Variants in COL12A1 observed in about 807,000 individuals in gnomAD.
The protein encoded by COL12A1 is collagen alpha-1(XII) chain.
COL12A1 carries 114 observed loss-of-function variants against 349.7 expected under a neutral mutation model. That is an observed-to-expected ratio of 0.33 (90% CI 0.28 to 0.38). COL12A1 has a LOEUF of 0.38. Ranked by LOEUF, COL12A1 falls within the 10% of genes least tolerant of loss-of-function variation. COL12A1 has a pLI of 1.00. For synonymous variants in COL12A1, 1,369 were observed against 1,329.0 expected (o/e 1.03, Z -0.66); for missense variants, 3,284 against 3,756.9 (o/e 0.87, Z 3.29).
At chr6:75,201,448 T>C (rs905540995) in intron 2 of COL12A1, among the ~76,000 whole-genome samples, 2 of 152,180 alleles carry the variant, frequency 1.3e-5, no homozygotes, top group Non-Finnish European at 2.9e-5. Flanking sequence ...TTTTTACCTG[T>C]AGTCTTGAAG....
intron 17 of COL12A1, among the ~76,000 whole-genome samples, chr6:75,154,123 T>C (rs1767631571): frequency 6.6e-6 from 1 of 151,590 alleles, no homozygotes; most frequent in Non-Finnish European, 1.5e-5. Flanking sequence ...ATTAATTACA[T>C]CACTAATAAT....
At chr6:75,137,370 G>C in intron 31 of COL12A1, 67 bp downstream of exon 31, 1 of 1,406,972 alleles carries the variant, frequency 7.1e-7, no homozygotes, top group Non-Finnish European at 9.6e-7. Context: ...TAAGCACTGA[G>C]GGGGAAAAAG....
Position 75,132,030 on chromosome 6 carries a change from G to C in COL12A1, c.5847C>G (p.Ser1949Arg). ...NVQVYNPTPN[S>R]LDVRWDPAPG... ...GAGCAGGGTCCCAGCGAACATCGAG[G>C]CTGTTAGGTGTAGGATTGTATACTT... The change falls in exon 35 of 66, where the codon AGC (serine) becomes AGG (arginine). Residue 1949 changes from serine to arginine, a missense_variant. This residue lies in a region of COL12A1 where 2,601 missense variants were observed against 2,824.8 expected (regional missense o/e 0.92). Coordinates refer to ENST00000322507, the MANE Select transcript of COL12A1 (RefSeq NM_004370.6). The C allele has an allele frequency of 6.2e-7, 1 of 1,614,178 alleles. No individual in the cohort carries two copies. The highest frequency in any genetic ancestry group is 8.5e-7 in the Non-Finnish European group (1 of 1,180,002).
rs747633964 is a variant in COL12A1 at position 75,138,324 on chromosome 6, T to C, written c.5247A>G (p.Thr1749=). ...GSERTLPILT[T]QAPKSGPRNL... The stretch of plus-strand genomic sequence containing the variant: ...TTCATCAAATTAAATTCTTACCTTG[T>C]GTTGTTAAGATAGGCACTAAAAGAA... Residue 1749 remains threonine, a synonymous_variant, in exon 30 of 66, where the codon ACA becomes ACG. Transcript: ENST00000322507. 29 of 1,609,340 alleles carry C rather than the reference T, an allele frequency of 1.8e-5. No individual in the cohort carries two copies. Among genetic ancestry groups the C allele is most frequent in the Non-Finnish European group, 2.4e-5 (28 of 1,177,886 alleles).
chr6:75,156,190 A>T, intron 15 of COL12A1, 67 bp downstream of exon 15: 1 of 1,553,388 alleles, frequency 6.4e-7, no homozygotes, highest in South Asian at 1.2e-5. Flanking sequence ...AATGAAGTAG[A>T]CATACCAAAG....
chr6:75,154,151 TTA>T (rs1767633612), intron 17 of COL12A1, among the ~76,000 whole-genome samples: 1 of 151,662 alleles, frequency 6.6e-6, no homozygotes, highest in Non-Finnish European at 1.5e-5. Context: ...ACATTAATAA[TTA>T]TATATTACTC....
intron 13 of COL12A1, among the ~76,000 whole-genome samples, chr6:75,173,216 A>G (rs937257185): frequency 6.6e-6 from 1 of 152,208 alleles, no homozygotes; most frequent in South Asian, 2.1e-4. Flanking sequence ...ACTAAGGCCC[A>G]GAGGGGTTAA....
intron 43 of COL12A1, 102 bp downstream of exon 43, chr6:75,123,228 C>T (rs1765833011): frequency 9.6e-7 from 1 of 1,037,208 alleles, no homozygotes; most frequent in Non-Finnish European, 1.5e-6. Context: ...AATAATAGAT[C>T]AGAAATGTTC....
chr6:75,168,399 C>T (rs779520881), intron 13 of COL12A1, among the ~76,000 whole-genome samples: 3 of 152,156 alleles, frequency 2.0e-5, no homozygotes, highest in Non-Finnish European at 2.9e-5. Flanking sequence ...AAGTGGATTG[C>T]GCCCTGTGGT....
intron 44 of COL12A1, among the ~76,000 whole-genome samples, chr6:75,119,754 T>A (rs1769262424): frequency 6.6e-6 from 1 of 152,158 alleles, no homozygotes; most frequent in South Asian, 2.1e-4. Context: ...TAGAAAGGGA[T>A]GAATAAAGGT....
rs376517147 is a variant in COL12A1 at position 75,177,728 on chromosome 6, G to A, written c.2372C>T (p.Ser791Phe). 98 of 1,613,920 alleles carry A rather than the reference G, an allele frequency of 6.1e-5. No individual in the cohort carries two copies. The highest frequency in any genetic ancestry group is 1.4e-5 in the Non-Finnish European group (16 of 1,180,002). ...NLIPDTKYEV[S>F]VIPEYFSGPG... is the part of the protein sequence containing the mutation. Reference sequence around the variant, plus strand: ...TCCTGAGAAATATTCAGGAATTACAGATACTTCATATTTCGTGTCTGGAAT... The same window carrying A: ...TCCTGAGAAATATTCAGGAATTACAAATACTTCATATTTCGTGTCTGGAAT... Residue 791 changes from serine (S) to phenylalanine (F), a missense_variant, in exon 12 of 66, where the codon TCT (serine) becomes TTT (phenylalanine). Coordinates refer to ENST00000322507, the MANE Select transcript of COL12A1 (RefSeq NM_004370.6).
At position 75,095,242 on chromosome 6, in the gene COL12A1, T is replaced by A. The variant is rs1005948817; in HGVS notation, c.8578-63A>T. On this transcript the variant is annotated intron_variant, in intron 59 of 65. Coordinates refer to ENST00000322507, the MANE Select transcript of COL12A1 (RefSeq NM_004370.6). ...AAGGGAAAATCCCATCTAAAGTAAATGAATACAGCCTGTTTTAAACGCGTT... is the reference window on the plus strand; with the variant it reads ...AAGGGAAAATCCCATCTAAAGTAAAAGAATACAGCCTGTTTTAAACGCGTT... The A allele has an allele frequency of 1.0e-5, 13 of 1,243,042 alleles. No homozygotes were observed. In the African/African-American group the frequency reaches 2.0e-4, roughly 19 times the overall value. The allele number at this position is 1,243,042 out of a possible 1,614,324, so 77.0% of individuals were successfully genotyped here. A position where few individuals can be genotyped will look rare whatever the true frequency, so the allele number is the denominator to read the frequency against.
chr6:75,169,045 G>A (rs1480747874), intron 13 of COL12A1, among the ~76,000 whole-genome samples: 1 of 152,190 alleles, frequency 6.6e-6, no homozygotes, highest in Non-Finnish European at 1.5e-5. Context: ...CATGTGGGAT[G>A]TTCACTGCTC....
At chr6:75,161,242 A>G (rs534716893) in intron 14 of COL12A1, among the ~76,000 whole-genome samples, 239 of 152,276 alleles carry the variant, frequency 1.6e-3, no homozygotes, top group Non-Finnish European at 2.6e-3. Context: ...CCAGGAACCA[A>G]TTCTTTTTTC....
Position 75,130,920 on chromosome 6 carries a change from T to C in COL12A1, c.5999A>G (p.Tyr2000Cys), listed in dbSNP as rs1400789071. ...GTACAGAGCCACAAGGTTCACGGAA[T>C]AGAGTGTGTCCGGAATCAGCCGCTC... Reference protein sequence around the residue: ...HLERLIPDTLYSVNLVALYSD... With the variant: ...HLERLIPDTLCSVNLVALYSD... Residue 2000 changes from tyrosine to cysteine, a missense_variant, in exon 36 of 66, where the codon TAT (tyrosine) becomes TGT (cysteine). Transcript: ENST00000322507. 1 of 1,614,130 alleles carries C rather than the reference T, an allele frequency of 6.2e-7. No individual in the cohort carries two copies. The highest frequency in any genetic ancestry group is 8.5e-7 in the Non-Finnish European group (1 of 1,180,014).
chr6:75,188,361 C>A lies in COL12A1; in HGVS notation c.997+1G>T. ...TGGGGAATGCTACACAGTCTACTCA[C>A]CTTCTTCTCCACTAACCAATTCACC... is the stretch of plus-strand genomic sequence containing the variant. On this transcript the variant is annotated splice_donor_variant, in intron 8 of 65. Coordinates refer to ENST00000322507, the MANE Select transcript of COL12A1 (RefSeq NM_004370.6). LOFTEE classifies it high-confidence loss of function. 6.2e-7 allele frequency: 1 copy of A among 1,612,256 alleles called. No homozygotes were observed.
At chr6:75,178,958 G>A (rs889339719) in intron 11 of COL12A1, among the ~76,000 whole-genome samples, 1 of 152,194 alleles carries the variant, frequency 6.6e-6, no homozygotes, top group Admixed American at 6.5e-5. Context: ...GAACAAATCA[G>A]CAGATAGACT....
chr6:75,143,969 G>C (rs1562214325), intron 25 of COL12A1, among the ~76,000 whole-genome samples: 2 of 152,166 alleles, frequency 1.3e-5, no homozygotes, highest in Non-Finnish European at 1.5e-5. Flanking sequence ...GGAATGAGGA[G>C]ATTTTCTCCT....
At chr6:75,092,800 G>A (rs1226179949) in intron 60 of COL12A1, among the ~76,000 whole-genome samples, 2 of 151,026 alleles carry the variant, frequency 1.3e-5, no homozygotes, top group Non-Finnish European at 2.9e-5. Context: ...ATCAGATTTA[G>A]AGGAAAATAA....
Sources: allele counts gnomAD v4.1 joint callset (sites outside exome capture counted in the v4.1 genomes callset), GRCh38; gene constraint gnomAD v4.1.1; regional missense constraint gnomAD v4.1.1; transcripts MANE v1.5; gene names NCBI Gene and HGNC (gene_info 2026-07-23, HGNC 2026-07-21).